The following A1CF variants were observed in gnomAD, a reference collection of about 807,000 sequenced individuals.
The protein encoded by A1CF is APOBEC-1 stimulating protein.
Under a neutral mutation model 68.9 loss-of-function variants are expected in A1CF, and 48 were observed. That is an observed-to-expected ratio of 0.70 (90% CI 0.55 to 0.89). The LOEUF (loss-of-function observed/expected upper bound fraction) is 0.89, where lower values mean the gene tolerates loss of function less well. Among genes scored for constraint, A1CF ranks in the 40% least tolerant of loss-of-function variants. The pLI, the probability that A1CF is intolerant of heterozygous loss-of-function variation, is 0.00. For missense variants in A1CF, 653 were observed against 718.9 expected (o/e 0.91, Z 1.05); for synonymous variants, 272 against 260.4 (o/e 1.04, Z -0.43).
At chr10:50,832,316 T>C (rs1297280643) in intron 6 of A1CF, among the ~76,000 whole-genome samples, 1 of 152,204 alleles carries the variant, frequency 6.6e-6, no homozygotes, top group Non-Finnish European at 1.5e-5. Flanking sequence ...TTTTTTCCTC[T>C]GGGAGCTGGC....
intron 4 of A1CF, among the ~76,000 whole-genome samples, chr10:50,843,757 T>G (rs1223583010): frequency 6.6e-6 from 1 of 152,184 alleles, no homozygotes; most frequent in Non-Finnish European, 1.5e-5. Context: ...AGATATAGAT[T>G]TGACAGTCAT....
rs1370834584 is a variant in A1CF, at chr10:50,885,607, G to A, written c.-120C>T. On this transcript the variant is annotated 5_prime_UTR_variant, in exon 1 of 13. Transcript: ENST00000373997. ...TGAGTAATTTCAGAGATCCCCACCCGGAAAAGGTTTCCTTGATTATGGCGA... is the reference window on the plus strand; with the variant it reads ...TGAGTAATTTCAGAGATCCCCACCCAGAAAAGGTTTCCTTGATTATGGCGA... 3.9e-5 allele frequency: 6 copies of A among 152,130 alleles called. No homozygotes were observed. The highest frequency in any genetic ancestry group is 6.6e-5 in the Admixed American group (1 of 15,258). 9.4% of individuals were successfully genotyped at this position (152,130 alleles called of 1,614,324 possible).
At chr10:50,883,858 C>G (rs1263605280) in intron 1 of A1CF, among the ~76,000 whole-genome samples, 1 of 152,208 alleles carries the variant, frequency 6.6e-6, no homozygotes, top group Non-Finnish European at 1.5e-5. Flanking sequence ...CTGCCACTTG[C>G]TAACTGAGTA....
At chr10:50,871,117 A>G (rs1841246665) in intron 1 of A1CF, among the ~76,000 whole-genome samples, 1 of 151,822 alleles carries the variant, frequency 6.6e-6, no homozygotes, top group South Asian at 2.1e-4. Context: ...CAGAAACATG[A>G]AACAAACATT....
chr10:50,833,864 G>A (rs999387723), intron 6 of A1CF, among the ~76,000 whole-genome samples: 15 of 152,272 alleles, frequency 9.9e-5, no homozygotes, highest in African/African-American at 2.9e-4. Context: ...AAATCCAGCT[G>A]AGTGAAATCC....
intron 3 of A1CF, among the ~76,000 whole-genome samples, chr10:50,851,839 A>G (rs1360247041): frequency 6.6e-6 from 1 of 152,224 alleles, no homozygotes; most frequent in East Asian, 1.9e-4. Context: ...CTTCTTTAAC[A>G]ATGTTACAAA....
chr10:50,803,206 A>G lies in A1CF; in HGVS notation c.*3523T>C. On this transcript the variant is annotated 3_prime_UTR_variant, in exon 13 of 13. Transcript: ENST00000373997. ...AGGCCTCCAGCAATCCTCCTGCCTT[A>G]GCTTCCCAAGTAGCTGGGACCACAG... The G allele has an allele frequency of 6.6e-6, 1 of 151,306 alleles. No homozygotes were observed. Among genetic ancestry groups the G allele is most frequent in the Non-Finnish European group, 1.5e-5 (1 of 67,916 alleles). The allele number at this position is 151,306 out of a possible 1,614,324, so 9.4% of individuals were successfully genotyped here. A position where few individuals can be genotyped will look rare whatever the true frequency, so the allele number is the denominator to read the frequency against.
rs1384748072 is a variant in A1CF at position 50,804,635 on chromosome 10, AT to A, written c.*2093del. ...TAGGACAAGATTGTTTTACTTTCTC[AT>A]TTTTAGAGTTAGTTTGAAGCCTACG... On this transcript the variant is annotated 3_prime_UTR_variant, in exon 13 of 13. Coordinates refer to ENST00000373997, the MANE Select transcript of A1CF (RefSeq NM_014576.4). 6.6e-6 allele frequency: 1 copy of A among 152,130 alleles called. No individual in the cohort carries two copies. The highest frequency in any genetic ancestry group is 1.5e-5 in the Non-Finnish European group (1 of 68,006). 9.4% of individuals were successfully genotyped at this position (152,130 alleles called of 1,614,324 possible).
intron 1 of A1CF, among the ~76,000 whole-genome samples, chr10:50,865,413 A>C (rs1012547411): frequency 1.6e-4 from 25 of 152,210 alleles, no homozygotes; most frequent in Admixed American, 1.2e-3. Flanking sequence ...TATGCCTTTA[A>C]AATACTTAAA....
chr10:50,855,923 G>C (rs1304943070), intron 3 of A1CF, among the ~76,000 whole-genome samples: 1 of 151,920 alleles, frequency 6.6e-6, no homozygotes, highest in Non-Finnish European at 1.5e-5. Context: ...TTTTTAAAAA[G>C]TAAACTTGAT....
chr10:50,884,359 T>G (rs1379334828), intron 1 of A1CF, among the ~76,000 whole-genome samples: 1 of 152,238 alleles, frequency 6.6e-6, no homozygotes, highest in African/African-American at 2.4e-5. Flanking sequence ...CAGTAAAATG[T>G]TAAGAGTTGT....
In A1CF at chr10:50,799,961, T is replaced by G. The variant is rs1837534320; in HGVS notation, c.*6768A>C. 1 of 152,180 alleles carries G rather than the reference T, an allele frequency of 6.6e-6. No individual in the cohort carries two copies. The highest frequency in any genetic ancestry group is 6.5e-5 in the Admixed American group (1 of 15,276). The allele number at this position is 152,180 out of a possible 1,614,324, so 9.4% of individuals were successfully genotyped here. On this transcript the variant is annotated 3_prime_UTR_variant, in exon 13 of 13. Transcript: ENST00000373997. ...AATGATGAATTGATTTAAATAGATT[T>G]ATCTGTAGTCTGTGTGCCCAAAGAT...
At chr10:50,820,450 GA>G in intron 8 of A1CF, 101 bp downstream of exon 8, 1 of 892,694 alleles carries the variant, frequency 1.1e-6, no homozygotes, top group Non-Finnish European at 1.7e-6. Context: ...CCATGTCAGA[GA>G]AGGCTGGAGT....
At chr10:50,817,679 G>T (rs920113754) in intron 8 of A1CF, among the ~76,000 whole-genome samples, 2 of 152,158 alleles carry the variant, frequency 1.3e-5, no homozygotes, top group Non-Finnish European at 2.9e-5. Context: ...GAAGATGAGA[G>T]ACCCAAATAG....
At chr10:50,837,912 G>C (rs1839583484) in intron 5 of A1CF, among the ~76,000 whole-genome samples, 1 of 152,164 alleles carries the variant, frequency 6.6e-6, no homozygotes, top group Non-Finnish European at 1.5e-5. Flanking sequence ...AGGCCATTTT[G>C]ATTAAAAATG....
chr10:50,835,557 T>C (rs1222119222), intron 6 of A1CF, among the ~76,000 whole-genome samples: 1 of 152,164 alleles, frequency 6.6e-6, no homozygotes, highest in Non-Finnish European at 1.5e-5. Context: ...CCTGTGGTTG[T>C]AATAACTAAC....
intron 12 of A1CF, among the ~76,000 whole-genome samples, chr10:50,809,020 A>G (rs2132308192): frequency 6.6e-6 from 1 of 152,270 alleles, no homozygotes; most frequent in Admixed American, 6.5e-5. Context: ...ACTAAAAAAA[A>G]AAAGGATAAA....
intron 1 of A1CF, among the ~76,000 whole-genome samples, chr10:50,874,773 G>A (rs980304183): frequency 6.6e-5 from 10 of 151,942 alleles, no homozygotes; most frequent in East Asian, 1.9e-4. Flanking sequence ...ACTCCCAATC[G>A]GCATTAAAAG....
intron 7 of A1CF, among the ~76,000 whole-genome samples, chr10:50,826,621 C>T (rs1275580737): frequency 6.6e-6 from 1 of 152,086 alleles, no homozygotes; most frequent in East Asian, 1.9e-4. Context: ...TACAAGAACT[C>T]CTGAAGGAAG....
Sources: gnomAD v4.1 joint callset for allele counts (sites outside exome capture counted in the v4.1 genomes callset) on GRCh38, gnomAD v4.1.1 for gene constraint, MANE v1.5 for transcripts, NCBI Gene and HGNC (gene_info 2026-07-23, HGNC 2026-07-21) for gene names.